AXDND1: variants seen among roughly 807,000 people sequenced by gnomAD.
AXDND1 encodes axonemal dynein light chain domain-containing protein 1.
A neutral mutation model predicts 137.5 loss-of-function variants in AXDND1; 110 were observed. That is an observed-to-expected ratio of 0.80 (90% CI 0.69 to 0.94). The LOEUF is 0.94. AXDND1 is among the 40% of genes least tolerant of loss of function. The pLI is 0.00. For missense variants in AXDND1, 1,191 were observed against 1,169.8 expected, an observed-to-expected ratio of 1.02 and a Z score of -0.26; for synonymous variants, 414 against 399.7, an observed-to-expected ratio of 1.04 and a Z score of -0.43.
At chr1:179,552,537 G>A (rs1673438690) in intron 25 of AXDND1, 1 of 1,260,436 alleles carries the variant, frequency 7.9e-7, no homozygotes, top group South Asian at 1.2e-5. Flanking sequence ...AGGAAGCAAA[G>A]GGGAAATGTT....
intron 16 of AXDND1, among the ~76,000 whole-genome samples, chr1:179,458,915 CAG>C (rs1491484621): frequency 3.3e-5 from 5 of 150,486 alleles, no homozygotes; most frequent in African/African-American, 7.3e-5. Flanking sequence ...AGTAAAATAA[CAG>C]ATATGAATAT....
In AXDND1 at chr1:179,381,126, C is replaced by T. The variant is rs10913741; in HGVS notation, c.582-1574C>T. ...CATGATCTCGGCTCACTGCAACCTC[C>T]GCCTCCCAGGTTCAAGCGATTCTCC... On this transcript the variant is annotated intron_variant, in intron 6 of 25. Transcript: ENST00000367618. Among the ~76,000 whole-genome samples the T allele has an allele frequency of 1.2e-3, 182 of 150,242 alleles. 2 individuals are homozygous for T. Among genetic ancestry groups the T allele is most frequent in the African/African-American group, 4.2e-3 (170 of 40,842 alleles).
chr1:179,539,941 A>C (rs190797704), intron 25 of AXDND1, among the ~76,000 whole-genome samples: 1 of 150,980 alleles, frequency 6.6e-6, no homozygotes, highest in Non-Finnish European at 1.5e-5. Flanking sequence ...TATTAATTTG[A>C]TCTTCAATCA....
intron 18 of AXDND1, among the ~76,000 whole-genome samples, chr1:179,488,417 T>G (rs1666327896): frequency 6.8e-6 from 1 of 147,528 alleles, no homozygotes; most frequent in Non-Finnish European, 1.5e-5. Flanking sequence ...TGTGTGTGGT[T>G]TTTTTTGTTT....
chr1:179,482,561 A>AGCTAAGGAG (rs1665546052), intron 17 of AXDND1, among the ~76,000 whole-genome samples: 1 of 152,100 alleles, frequency 6.6e-6, no homozygotes, highest in South Asian at 2.1e-4. Flanking sequence ...TGCCTCACTG[A>AGCTAAGGAG]GCTAAGGAGA....
At chr1:179,409,608 C>T (rs12757695) in intron 11 of AXDND1, among the ~76,000 whole-genome samples, 44,685 of 152,004 alleles carry the variant, frequency 0.29, 6,786 homozygotes, top group Non-Finnish European at 0.31. Flanking sequence ...TAGCCAGGTA[C>T]GGTGGCTCAT....
At chr1:179,367,086 T>C (rs1667503223) in intron 2 of AXDND1, among the ~76,000 whole-genome samples, 1 of 151,998 alleles carries the variant, frequency 6.6e-6, no homozygotes, top group Non-Finnish European at 1.5e-5. Context: ...CCGGGCATGG[T>C]GGCTCGCGCC....
intron 17 of AXDND1, among the ~76,000 whole-genome samples, chr1:179,480,326 A>G (rs937908460): frequency 2.0e-5 from 3 of 152,334 alleles, no homozygotes; most frequent in African/African-American, 7.2e-5. Context: ...GGCAGCAGAC[A>G]AGAGAAGAGA....
chr1:179,371,333 C>T (rs1252517365), intron 4 of AXDND1, among the ~76,000 whole-genome samples: 1 of 152,128 alleles, frequency 6.6e-6, no homozygotes, highest in African/African-American at 2.4e-5. Flanking sequence ...GAGGCTAACG[C>T]AGGAGAATTG....
intron 21 of AXDND1, among the ~76,000 whole-genome samples, chr1:179,523,018 A>G (rs1670211648): frequency 6.6e-6 from 1 of 151,720 alleles, no homozygotes; most frequent in African/African-American, 2.4e-5. Flanking sequence ...CACCCAGAGG[A>G]TGTTTTTAAA....
chr1:179,544,259 T>C lies in AXDND1; in HGVS notation c.3031+9297T>C, dbSNP rs141278888. On this transcript the variant is annotated intron_variant, in intron 25 of 25. Coordinates refer to ENST00000367618, the MANE Select transcript of AXDND1 (RefSeq NM_144696.6). Reference sequence around the variant, plus strand: ...TATGCAAGTTTGTTAGCCTCTTCAATTGATTTCCTAACAGAGGTCTGTGAA... The same window carrying C: ...TATGCAAGTTTGTTAGCCTCTTCAACTGATTTCCTAACAGAGGTCTGTGAA... 384 of 152,358 alleles carry C rather than the reference T, an allele frequency of 2.5e-3. 2 individuals carry two copies. Among genetic ancestry groups the C allele is most frequent in the African/African-American group, 8.9e-3 (372 of 41,572 alleles). The allele number at this position is 152,358 out of a possible 1,614,324, so 9.4% of individuals were successfully genotyped here. A position where few individuals can be genotyped will look rare whatever the true frequency, so the allele number is the denominator to read the frequency against.
chr1:179,550,211 A>G (rs2125758837), intron 25 of AXDND1, among the ~76,000 whole-genome samples: 1 of 152,352 alleles, frequency 6.6e-6, no homozygotes, highest in South Asian at 2.1e-4. Flanking sequence ...TGCTGTAAGT[A>G]TAGATATGCT....
chr1:179,369,317 A>G (rs768115522), intron 3 of AXDND1, among the ~76,000 whole-genome samples: 1 of 152,122 alleles, frequency 6.6e-6, no homozygotes, highest in African/African-American at 2.4e-5. Context: ...GGCTCAAGCA[A>G]TCCACCCGCC....
In AXDND1 at chr1:179,552,577, T is replaced by C. The variant is rs763475216; in HGVS notation, c.3032-1935T>C. The C allele has an allele frequency of 5.6e-6, 9 of 1,599,558 alleles. No individual in the cohort carries two copies. In the East Asian group the frequency reaches 2.0e-4, roughly 36 times the overall value. On this transcript the variant is annotated intron_variant, in intron 25 of 25. Transcript: ENST00000367618. Reference sequence around the variant, plus strand: ...ACGAGCAGGCCTTCCTAAAGGGCAGTCTGGGTGGGAGGATGGAGTGCTCAC... The same window carrying C: ...ACGAGCAGGCCTTCCTAAAGGGCAGCCTGGGTGGGAGGATGGAGTGCTCAC...
Position 179,534,769 on chromosome 1 carries a change from T to C in AXDND1, c.2838T>C (p.Phe946=). 6.3e-7 allele frequency: 1 copy of C among 1,596,912 alleles called. No individual in the cohort carries two copies. Among genetic ancestry groups the C allele is most frequent in the South Asian group, 1.2e-5 (1 of 85,906 alleles). Residue 946 remains phenylalanine, a synonymous_variant, in exon 25 of 26, where the codon TTT becomes TTC. Transcript: ENST00000367618. ...ENRARQAEEK[F]EDAYEKLHHT... Reference sequence around the variant, plus strand: ...GAGCCAGACAGGCAGAGGAGAAGTTTGAAGATGCATATGAGAAACTTCATC... The same window carrying C: ...GAGCCAGACAGGCAGAGGAGAAGTTCGAAGATGCATATGAGAAACTTCATC...
intron 12 of AXDND1, among the ~76,000 whole-genome samples, chr1:179,427,760 C>T (rs1656783174): frequency 6.6e-6 from 1 of 151,814 alleles, no homozygotes; most frequent in South Asian, 2.1e-4. Flanking sequence ...CTATCATTAC[C>T]CACATTTTTC....
chr1:179,526,868 T>G (rs750924779), intron 22 of AXDND1, among the ~76,000 whole-genome samples: 16 of 152,190 alleles, frequency 1.1e-4, no homozygotes, highest in Non-Finnish European at 2.1e-4. Context: ...AATTGGACAC[T>G]CTTAGTCACA....
At chr1:179,478,539 G>A (rs1475585434) in intron 17 of AXDND1, among the ~76,000 whole-genome samples, 1 of 151,774 alleles carries the variant, frequency 6.6e-6, no homozygotes, top group Non-Finnish European at 1.5e-5. Flanking sequence ...GGGATGCAGG[G>A]CACAGCAGAG....
At chr1:179,477,020 C>T (rs959171325) in intron 17 of AXDND1, among the ~76,000 whole-genome samples, 1 of 151,546 alleles carries the variant, frequency 6.6e-6, no homozygotes, top group Non-Finnish European at 1.5e-5. Context: ...GTTTTCATGT[C>T]GCTTCATTCT....
Sources: gnomAD v4.1 joint callset for allele counts (sites outside exome capture counted in the v4.1 genomes callset) on GRCh38, gnomAD v4.1.1 for gene constraint, MANE v1.5 for transcripts, NCBI Gene and HGNC (gene_info 2026-07-23, HGNC 2026-07-21) for gene names.